Variants in NEXMIF observed in about 807,000 individuals in gnomAD.
NEXMIF encodes XLMR protein related to neurite extension.
NEXMIF carries 8 observed loss-of-function variants against 62.1 expected under a neutral mutation model. The ratio of observed to expected loss-of-function variants is 0.13; its 90% CI spans 0.08 to 0.23. The LOEUF is 0.23. Among genes scored for constraint, NEXMIF ranks in the 10% least tolerant of loss-of-function variants. The pLI, the probability that NEXMIF is intolerant of heterozygous loss-of-function variation, is 1.00. For synonymous variants in NEXMIF, 404 were observed against 416.6 expected, an observed-to-expected ratio of 0.97 and a Z score of 0.37; for missense variants, 976 against 1,113.3, an observed-to-expected ratio of 0.88 and a Z score of 1.75.
intron 1 of NEXMIF, among the ~76,000 whole-genome samples, chrX:74,908,096 G>T (rs192745969): frequency 8.9e-6 from 1 of 111,769 alleles, no homozygotes; most frequent in African/African-American, 3.3e-5. Context: ...CCTCCTAGAG[G>T]GTTATTGGGA....
intron 1 of NEXMIF, among the ~76,000 whole-genome samples, chrX:74,864,414 A>G (rs1161858953): frequency 1.8e-5 from 2 of 111,881 alleles, no homozygotes; most frequent in East Asian, 5.6e-4. Context: ...CCCCACCCAA[A>G]CCACATCTTG....
At chrX:74,780,725 T>C (rs2080244136) in intron 1 of NEXMIF, among the ~76,000 whole-genome samples, 1 of 111,854 alleles carries the variant, frequency 8.9e-6, no homozygotes, top group Admixed American at 9.5e-5. Context: ...ATATTTCATA[T>C]CTGTTATTTT....
At chrX:74,894,182 C>T (rs1216130302) in intron 1 of NEXMIF, among the ~76,000 whole-genome samples, 4 of 110,608 alleles carry the variant, frequency 3.6e-5, no homozygotes, top group Non-Finnish European at 7.6e-5. Flanking sequence ...ACCTGTAGTC[C>T]CAGTTACTTA....
In NEXMIF at chrX:74,745,623, C is replaced by A. The variant is rs968900175; in HGVS notation, c.28G>T (p.Val10Phe). ...GTGTTTTCTCCGTTGGCTGAGGCAACAATAGCCTTATCTTGTTGGTTATCC... is the reference window on the plus strand; with the variant it reads ...GTGTTTTCTCCGTTGGCTGAGGCAAAAATAGCCTTATCTTGTTGGTTATCC... MDNQQDKAIVASANGENTLI... is the reference protein window; with the variant it reads MDNQQDKAIFASANGENTLI... Residue 10 changes from valine (V) to phenylalanine (F), a missense_variant, in exon 2 of 4, where the codon GTT becomes TTT. Val to Phe is a conservative substitution (Grantham distance 50). Around this residue, in one of 5 missense-constraint regions of NEXMIF, gnomAD observed 126 missense variants for 146.5 expected, o/e 0.86. Transcript: ENST00000055682. 2 of 1,198,677 alleles carry A rather than the reference C, an allele frequency of 1.7e-6. No individual in the cohort carries two copies. The highest frequency in any genetic ancestry group is 2.3e-6 in the Non-Finnish European group (2 of 883,790).
At chrX:74,846,489 T>C (rs1432006416) in intron 1 of NEXMIF, among the ~76,000 whole-genome samples, 3 of 112,174 alleles carry the variant, frequency 2.7e-5, no homozygotes, top group African/African-American at 9.7e-5. Flanking sequence ...TATTATTTAG[T>C]ATTATTACCT....
chrX:74,884,926 C>T (rs943956437), intron 1 of NEXMIF, among the ~76,000 whole-genome samples: 2 of 111,309 alleles, frequency 1.8e-5, no homozygotes, highest in Non-Finnish European at 3.8e-5. Flanking sequence ...TGTAAAAGAA[C>T]AGAAATTATA....
chrX:74,792,518 C>A (rs1454604074), intron 1 of NEXMIF, among the ~76,000 whole-genome samples: 1 of 103,575 alleles, frequency 9.7e-6, no homozygotes, highest in Non-Finnish European at 2.0e-5. Flanking sequence ...GAGTTCAATT[C>A]CTGGGTATCC....
chrX:74,793,186 C>T (rs1243978848), intron 1 of NEXMIF, among the ~76,000 whole-genome samples: 1 of 110,659 alleles, frequency 9.0e-6, no homozygotes, highest in Non-Finnish European at 1.9e-5. Context: ...GACAAAATCT[C>T]TCAGCATTTG....
chrX:74,740,058 A>AG, intron 3 of NEXMIF, 42 bp downstream of exon 3: 1 of 1,147,286 alleles, frequency 8.7e-7, no homozygotes, highest in Non-Finnish European at 1.2e-6. Flanking sequence ...GTAGTAGGAG[A>AG]GCTAAGGGTG....
At chrX:74,779,807 A>G (rs1380557224) in intron 1 of NEXMIF, among the ~76,000 whole-genome samples, 2 of 112,025 alleles carry the variant, frequency 1.8e-5, no homozygotes, top group Non-Finnish European at 3.8e-5. Flanking sequence ...CCAGAATATG[A>G]GCTCCTGGAA....
At chrX:74,823,046 A>G (rs2080402534) in intron 1 of NEXMIF, among the ~76,000 whole-genome samples, 1 of 112,197 alleles carries the variant, frequency 8.9e-6, no homozygotes, top group South Asian at 3.7e-4. Context: ...ACACACTATA[A>G]CATAGGTGAA....
At chrX:74,856,560 G>C (rs987668887) in intron 1 of NEXMIF, among the ~76,000 whole-genome samples, 6 of 111,067 alleles carry the variant, frequency 5.4e-5, no homozygotes, top group African/African-American at 2.0e-4. Context: ...TACAACAGTG[G>C]CCACATAAGA....
chrX:74,742,821 G>A lies in NEXMIF; in HGVS notation c.1736C>T (p.Ala579Val). 3 of 1,211,029 alleles carry A rather than the reference G, an allele frequency of 2.5e-6. No homozygotes were observed. Among genetic ancestry groups the A allele is most frequent in the Non-Finnish European group, 3.4e-6 (3 of 895,198 alleles). ...GAAGCCTTTCAAGGGTGCCAGCTTGGCATATTTGTTGAGCTGATTCTCACT... is the reference window on the plus strand; with the variant it reads ...GAAGCCTTTCAAGGGTGCCAGCTTGACATATTTGTTGAGCTGATTCTCACT... ...NLSENQLNKY[A>V]KLAPLKGFWQ... is the part of the protein sequence containing the mutation. The change falls in exon 3 of 4, where the codon GCC becomes GTC. Residue 579 changes from alanine (A) to valine (V), a missense_variant. By Grantham distance (64) the Ala-to-Val change is moderately conservative. Transcript: ENST00000055682.
chrX:74,839,424 T>C (rs969193470), intron 1 of NEXMIF, among the ~76,000 whole-genome samples: 7 of 111,899 alleles, frequency 6.3e-5, no homozygotes, highest in African/African-American at 2.3e-4. Context: ...TTTAAAAACT[T>C]TTATTTTAGG....
At chrX:74,877,758 T>C (rs2080642999) in intron 1 of NEXMIF, among the ~76,000 whole-genome samples, 1 of 112,143 alleles carries the variant, frequency 8.9e-6, no homozygotes, top group African/African-American at 3.2e-5. Flanking sequence ...CCATCACTGA[T>C]ACCGTTTCTT....
At chrX:74,763,063 T>C (rs903029382) in intron 1 of NEXMIF, among the ~76,000 whole-genome samples, 8 of 112,012 alleles carry the variant, frequency 7.1e-5, no homozygotes, top group Non-Finnish European at 1.3e-4. Context: ...CTGAATGGTA[T>C]TGCCTAGGTT....
intron 1 of NEXMIF, among the ~76,000 whole-genome samples, chrX:74,794,250 C>G (rs1485618719): frequency 1.8e-5 from 2 of 108,764 alleles, no homozygotes; most frequent in African/African-American, 3.3e-5. Context: ...AGGTGTCAGT[C>G]TGCCCCTGCT....
At chrX:74,767,076 A>G (rs1014657913) in intron 1 of NEXMIF, among the ~76,000 whole-genome samples, 4 of 112,357 alleles carry the variant, frequency 3.6e-5, no homozygotes, top group Admixed American at 2.8e-4. Context: ...AGCGAGAGTG[A>G]GGGCTGCAAG....
chrX:74,764,708 A>G (rs1394699786), intron 1 of NEXMIF, among the ~76,000 whole-genome samples: 1 of 111,234 alleles, frequency 9.0e-6, no homozygotes, highest in Non-Finnish European at 1.9e-5. Flanking sequence ...AGGTTGTTGA[A>G]TTTCCATGCT....
Sources: gnomAD v4.1 joint callset for allele counts (sites outside exome capture counted in the v4.1 genomes callset) on GRCh38, gnomAD v4.1.1 for gene constraint, gnomAD v4.1.1 regional missense constraint, MANE v1.5 for transcripts, NCBI Gene and HGNC (gene_info 2026-07-23, HGNC 2026-07-21) for gene names.